ADRA1A: variants seen among roughly 807,000 people sequenced by gnomAD.
The protein encoded by ADRA1A is alpha-1A adrenergic receptor.
Under a neutral mutation model 29.6 loss-of-function variants are expected in ADRA1A, and 31 were observed. That is an observed-to-expected ratio of 1.05 (90% CI 0.79 to 1.41). ADRA1A has a LOEUF of 1.41. Among genes scored for constraint, ADRA1A ranks in the 40% most tolerant of loss-of-function variants. The pLI is 0.00. For synonymous variants in ADRA1A, 311 were observed against 254.3 expected, an observed-to-expected ratio of 1.22 and a Z score of -2.12; for missense variants, 619 against 601.1, an observed-to-expected ratio of 1.03 and a Z score of -0.31.
chr8:26,809,083 G>C (rs1178984054), intron 2 of ADRA1A, among the ~76,000 whole-genome samples: 1 of 152,114 alleles, frequency 6.6e-6, no homozygotes, highest in African/African-American at 2.4e-5. Flanking sequence ...ATGATGCTGG[G>C]CATAAGGTAT....
chr8:26,857,836 A>G (rs1397099245), intron 2 of ADRA1A, among the ~76,000 whole-genome samples: 1 of 152,162 alleles, frequency 6.6e-6, no homozygotes, highest in African/African-American at 2.4e-5. Context: ...TGGGATTATC[A>G]TATATCATTG....
rs1314220401 is a variant in ADRA1A, at chr8:26,805,020, C to T, written c.884-34354G>A. ...ACATGCTCGTATGCATGCACACACA[C>T]AAACATACACCACTCAGGTTTCATA... On this transcript the variant is annotated intron_variant, in intron 2 of 2. Transcript: ENST00000380573. The surrounding 1 kb of genome is among the most constrained non-coding windows in gnomAD (Gnocchi z 4.8). Among the ~76,000 whole-genome samples, 1 of 152,164 alleles carries T rather than the reference C, an allele frequency of 6.6e-6. No individual in the cohort carries two copies. Among genetic ancestry groups the T allele is most frequent in the Admixed American group, 6.5e-5 (1 of 15,278 alleles).
rs1809713421 is a variant in ADRA1A at position 26,815,797 on chromosome 8, T to C, written c.884-45131A>G. Among the ~76,000 whole-genome samples, 1 of 152,330 alleles carries C rather than the reference T, an allele frequency of 6.6e-6. No homozygotes were observed. The highest frequency in any genetic ancestry group is 1.5e-5 in the Non-Finnish European group (1 of 68,036). On this transcript the variant is annotated intron_variant, in intron 2 of 2. Transcript: ENST00000380573. This position sits in a 1 kb window ranked among gnomAD's most constrained non-coding sequence, Gnocchi z 4.2. ...AGAGAAGAAGAAGGCTGAAAATTAA[T>C]GAGCAAAGTAGCTGTCTGTGTTCCC...
chr8:26,791,065 T>A (rs7815214), intron 2 of ADRA1A, among the ~76,000 whole-genome samples: 51,252 of 151,892 alleles, frequency 0.34, 9,954 homozygotes, highest in East Asian at 0.84. Context: ...AAGACCAGAT[T>A]TTAAACAACT....
chr8:26,755,647 C>T (rs1364262936), downstream of ADRA1A, among the ~76,000 whole-genome samples: 4 of 152,166 alleles, frequency 2.6e-5, no homozygotes, highest in Non-Finnish European at 2.9e-5. Flanking sequence ...TAGAGATCAC[C>T]ACTTTTGATA....
rs1197318484 is a variant in ADRA1A at position 26,783,325 on chromosome 8, G to A, written c.884-12659C>T. On this transcript the variant is annotated intron_variant, in intron 2 of 2. Coordinates refer to ENST00000380573, the MANE Select transcript of ADRA1A (RefSeq NM_000680.4). ...AGAGACTCTAGTCAGTGTCATAGAA[G>A]AGCAGAGAATTACATCCTCCAGGAT... Among the ~76,000 whole-genome samples, 4 of 152,288 alleles carry A rather than the reference G, an allele frequency of 2.6e-5. No homozygotes were observed. In the East Asian group the frequency reaches 5.8e-4, roughly 22 times the overall value.
chr8:26,804,111 G>C (rs573635389), intron 2 of ADRA1A, among the ~76,000 whole-genome samples: 1 of 151,610 alleles, frequency 6.6e-6, no homozygotes, highest in South Asian at 2.1e-4. Flanking sequence ...TTTTAGAGTC[G>C]GGGTCTTGCT....
In ADRA1A at chr8:26,865,978, A is replaced by G. The variant is rs1563324528; in HGVS notation, c.-686-323T>C. Among the ~76,000 whole-genome samples, 2 of 152,076 alleles carry G rather than the reference A, an allele frequency of 1.3e-5. No individual in the cohort carries two copies. The highest frequency in any genetic ancestry group is 2.9e-5 in the Non-Finnish European group (2 of 67,992). On this transcript the variant is annotated intron_variant, in intron 1 of 2. Coordinates refer to ENST00000380573, the MANE Select transcript of ADRA1A (RefSeq NM_000680.4). The surrounding 1 kb of genome is among the most constrained non-coding windows in gnomAD (Gnocchi z 7.6). ...TCGAGCGCAGGTACCACGAAATTAA[A>G]ATCCTCGAAGCCCCGGAGGGGCGAC...
At chr8:26,789,555 A>G (rs1384727858) in intron 2 of ADRA1A, among the ~76,000 whole-genome samples, 2 of 152,194 alleles carry the variant, frequency 1.3e-5, no homozygotes, top group Non-Finnish European at 2.9e-5. Flanking sequence ...AAAACTATAA[A>G]TATACTAGAA....
intron 2 of ADRA1A, among the ~76,000 whole-genome samples, chr8:26,785,150 C>A (rs932850611): frequency 2.0e-5 from 3 of 151,918 alleles, no homozygotes; most frequent in Non-Finnish European, 4.4e-5. Context: ...TTTAATATTG[C>A]AATAAGGTGT....
chr8:26,777,558 T>C (rs973967282), intron 2 of ADRA1A, among the ~76,000 whole-genome samples: 5 of 152,204 alleles, frequency 3.3e-5, no homozygotes, highest in Non-Finnish European at 5.9e-5. Context: ...AGTCTTTTTT[T>C]CCCCTATTTA....
At chr8:26,749,431 C>T (rs1415794481) in intron 2 of ADRA1A, among the ~76,000 whole-genome samples, 2 of 152,072 alleles carry the variant, frequency 1.3e-5, no homozygotes, top group Non-Finnish European at 2.9e-5. Flanking sequence ...AGCATGTTAG[C>T]TTCATAGAGT....
At chr8:26,773,649 G>A (rs1017291573) in intron 2 of ADRA1A, among the ~76,000 whole-genome samples, 6 of 152,120 alleles carry the variant, frequency 3.9e-5, no homozygotes, top group African/African-American at 1.4e-4. Context: ...CACTATGAAT[G>A]TGAATGCTAA....
intron 2 of ADRA1A, among the ~76,000 whole-genome samples, chr8:26,829,387 G>A (rs978128935): frequency 6.6e-6 from 1 of 152,158 alleles, no homozygotes; most frequent in Non-Finnish European, 1.5e-5. Flanking sequence ...TTTCTCAAAA[G>A]TGAGGAAACA....
rs149037045 is a variant in ADRA1A, at chr8:26,847,706, T to C, written c.883+16381A>G. 8.3e-4 allele frequency among the ~76,000 whole-genome samples: 126 copies of C among 152,322 alleles called. 2 individuals are homozygous for C. The East Asian group carries it at 0.021, about 26-fold the overall frequency. On this transcript the variant is annotated intron_variant, in intron 2 of 2. Transcript: ENST00000380573. ...CATTCCAGTATAATGACAGCTCATG[T>C]GCCCTTTGTCAACCTTGCCTCCTTC...
rs576128025 is a variant in ADRA1A, at chr8:26,834,443, G to T, written c.883+29644C>A. On this transcript the variant is annotated intron_variant, in intron 2 of 2. Transcript: ENST00000380573. ...GGGGAGCTTTTCCTATTTGATATTA[G>T]GATGTGTTTTTAAGTTGCATTCATC... Among the ~76,000 whole-genome samples the T allele has an allele frequency of 5.9e-5, 9 of 152,320 alleles. No homozygotes were observed. In the South Asian group the frequency reaches 1.7e-3, roughly 28 times the overall value.
At chr8:26,778,849 C>T (rs949479219) in intron 2 of ADRA1A, among the ~76,000 whole-genome samples, 15 of 151,330 alleles carry the variant, frequency 9.9e-5, no homozygotes, top group African/African-American at 2.4e-4. Context: ...ATGTAAATGA[C>T]GAGTTAATGG....
chr8:26,844,559 C>T (rs1812061243), intron 2 of ADRA1A, among the ~76,000 whole-genome samples: 4 of 152,114 alleles, frequency 2.6e-5, no homozygotes, highest in Admixed American at 2.6e-4. Context: ...AGAATTTAGA[C>T]TCCAGAAATG....
chr8:26,751,412 C>T (rs1293450438), downstream of ADRA1A, among the ~76,000 whole-genome samples: 2 of 152,130 alleles, frequency 1.3e-5, no homozygotes, highest in African/African-American at 2.4e-5. Context: ...TAATAATAGG[C>T]TGGCAGGATG....
Sources: allele counts gnomAD v4.1 joint callset (sites outside exome capture counted in the v4.1 genomes callset), GRCh38; gene constraint gnomAD v4.1.1; non-coding constraint Gnocchi (gnomAD v3.1); transcripts MANE v1.5; gene names NCBI Gene and HGNC (gene_info 2026-07-23, HGNC 2026-07-21).